The following GALR1 variants were observed in gnomAD, a reference collection of about 807,000 sequenced individuals.
The protein encoded by GALR1 is galanin receptor type 1.
Under a neutral mutation model 17.9 loss-of-function variants are expected in GALR1, and 11 were observed. That is an observed-to-expected ratio of 0.62 (90% CI 0.39 to 1.02). The LOEUF (loss-of-function observed/expected upper bound fraction) is 1.02. Among genes scored for constraint, GALR1 ranks in the 50% least tolerant of loss-of-function variants. GALR1 has a pLI of 0.01. For missense variants in GALR1, 441 were observed against 456.9 expected, an observed-to-expected ratio of 0.97 and a Z score of 0.32; for synonymous variants, 206 against 205.7, an observed-to-expected ratio of 1.00 and a Z score of -0.01.
intron 2 of GALR1, among the ~76,000 whole-genome samples, chr18:77,258,456 TGA>T (rs1912641174): frequency 1.3e-5 from 2 of 151,336 alleles, no homozygotes; most frequent in Admixed American, 6.6e-5. Context: ...GTGGTGGTGA[TGA>T]TGGTGGTGGT....
At chr18:77,261,809 C>A (rs1912835392) in intron 2 of GALR1, among the ~76,000 whole-genome samples, 1 of 152,064 alleles carries the variant, frequency 6.6e-6, no homozygotes, top group African/African-American at 2.4e-5. Context: ...GTTCTCCAAA[C>A]AGTTTCTTGA....
At chr18:77,254,821 T>C (rs1912549715) in intron 1 of GALR1, among the ~76,000 whole-genome samples, 3 of 152,244 alleles carry the variant, frequency 2.0e-5, no homozygotes, top group Admixed American at 2.0e-4. Context: ...CAAATGCTCC[T>C]GCGGCACGTA....
intron 2 of GALR1, among the ~76,000 whole-genome samples, chr18:77,264,516 A>G (rs1159211952): frequency 6.6e-6 from 1 of 152,128 alleles, no homozygotes; most frequent in East Asian, 1.9e-4. Context: ...TCACATCTGT[A>G]TGCTGTGATG....
rs112633832 is a variant in GALR1, at chr18:77,269,037, G to T, written c.*135G>T. ...TCAAGTCGTTTTAATTAAATCCCACGTGTGTTAAAAAGTACTTTGATCCAT... is the reference window on the plus strand; with the variant it reads ...TCAAGTCGTTTTAATTAAATCCCACTTGTGTTAAAAAGTACTTTGATCCAT... On this transcript the variant is annotated 3_prime_UTR_variant, in exon 3 of 3. Coordinates refer to ENST00000299727, the MANE Select transcript of GALR1 (RefSeq NM_001480.4). 3 of 687,882 alleles carry T rather than the reference G, an allele frequency of 4.4e-6. No homozygotes were observed. Among genetic ancestry groups the T allele is most frequent in the African/African-American group, 3.6e-5 (2 of 55,618 alleles). 42.6% of individuals were successfully genotyped at this position (687,882 alleles called of 1,614,324 possible).
intron 2 of GALR1, among the ~76,000 whole-genome samples, chr18:77,258,581 C>CATGGTGGTG (rs1324154958): frequency 1.7e-4 from 3 of 18,072 alleles, no homozygotes; most frequent in African/African-American, 6.2e-4. Flanking sequence ...TGGTGGTGGT[C>CATGGTGGTG]ATGGTGGTGA....
At position 77,270,063 on chromosome 18, in the gene GALR1, T is replaced by A. The variant is rs1913029871; in HGVS notation, c.*1161T>A. The stretch of plus-strand genomic sequence containing the variant: ...ATCACCATTTGAATTTCAAATGTAG[T>A]TTTCATGACAATTTTATATTGATGT... On this transcript the variant is annotated 3_prime_UTR_variant, in exon 3 of 3. Transcript: ENST00000299727. 6.6e-6 allele frequency: 1 copy of A among 152,222 alleles called. No individual in the cohort carries two copies. The highest frequency in any genetic ancestry group is 1.5e-5 in the Non-Finnish European group (1 of 68,038). The allele number at this position is 152,222 out of a possible 1,614,324, so 9.4% of individuals were successfully genotyped here. A position where few individuals can be genotyped will look rare whatever the true frequency, so the allele number is the denominator to read the frequency against.
intron 2 of GALR1, among the ~76,000 whole-genome samples, chr18:77,261,478 A>T (rs889719974): frequency 6.6e-6 from 1 of 152,210 alleles, no homozygotes; most frequent in Non-Finnish European, 1.5e-5. Context: ...CGCTGTATCC[A>T]CTGGTCTTAG....
rs1473803410 is a variant in GALR1, at chr18:77,272,721, A to C, written c.*3819A>C. On this transcript the variant is annotated 3_prime_UTR_variant, in exon 3 of 3. Coordinates refer to ENST00000299727, the MANE Select transcript of GALR1 (RefSeq NM_001480.4). ...TAAGGCTATTTCTCAAGTAGATGTT[A>C]ATGACTTGTTTAATTATTGACTTAC... 6.6e-6 allele frequency: 1 copy of C among 152,214 alleles called. No individual in the cohort carries two copies. Among genetic ancestry groups the C allele is most frequent in the African/African-American group, 2.4e-5 (1 of 41,456 alleles). The allele number at this position is 152,214 out of a possible 1,614,324, so 9.4% of individuals were successfully genotyped here.
chr18:77,260,568 C>A (rs1362090799), intron 2 of GALR1, among the ~76,000 whole-genome samples: 2 of 152,184 alleles, frequency 1.3e-5, no homozygotes, highest in Non-Finnish European at 2.9e-5. Context: ...GGGGTGGGGA[C>A]ATAAACTTTG....
At chr18:77,252,023 G>A (rs1298560404) in intron 1 of GALR1, among the ~76,000 whole-genome samples, 1 of 152,216 alleles carries the variant, frequency 6.6e-6, no homozygotes, top group Non-Finnish European at 1.5e-5. Flanking sequence ...CTCCTGAACA[G>A]GGTGAAGTGG....
chr18:77,254,360 G>T (rs1029744461), intron 1 of GALR1, among the ~76,000 whole-genome samples: 4 of 152,230 alleles, frequency 2.6e-5, no homozygotes, highest in African/African-American at 9.6e-5. Context: ...ATAGACTTGA[G>T]TATTTTCTCC....
chr18:77,266,343 A>G (rs1344498950), intron 2 of GALR1, among the ~76,000 whole-genome samples: 1 of 152,200 alleles, frequency 6.6e-6, no homozygotes, highest in Non-Finnish European at 1.5e-5. Flanking sequence ...GTTTCTAGGA[A>G]GTTCCAAAAT....
At chr18:77,260,079 A>G (rs1356417033) in intron 2 of GALR1, among the ~76,000 whole-genome samples, 1 of 152,124 alleles carries the variant, frequency 6.6e-6, no homozygotes, top group Admixed American at 6.5e-5. Context: ...TCAGCTCTGT[A>G]TCCACTGGTC....
At chr18:77,261,727 T>G (rs1169973432) in intron 2 of GALR1, among the ~76,000 whole-genome samples, 2 of 152,220 alleles carry the variant, frequency 1.3e-5, no homozygotes, top group African/African-American at 4.8e-5. Context: ...ACCAAGCATT[T>G]TTTATTGCCT....
intron 2 of GALR1, among the ~76,000 whole-genome samples, chr18:77,258,839 GTGA>G (rs1912698190): frequency 1.1e-3 from 4 of 3,738 alleles, no homozygotes; most frequent in Non-Finnish European, 1.5e-3. Flanking sequence ...GGTGATGGTG[GTGA>G]TGGTGGTGGT....
At chr18:77,261,453 A>G (rs73486224) in intron 2 of GALR1, among the ~76,000 whole-genome samples, 2,588 of 152,256 alleles carry the variant, frequency 0.017, 77 homozygotes, top group African/African-American at 0.058. Flanking sequence ...GGAGTTCTCT[A>G]TGTTACTTTC....
At chr18:77,252,989 TCACCACCACCACCACCAC>T in intron 1 of GALR1, among the ~76,000 whole-genome samples, 2 of 25,032 alleles carry the variant, frequency 8.0e-5, no homozygotes, top group Admixed American at 4.6e-4. Flanking sequence ...ATCACCACCA[TCACCACCACCACCACCAC>T]CACCACCACC....
chr18:77,250,834 T>C lies in GALR1; in HGVS notation c.286T>C (p.Tyr96His). 6.2e-7 allele frequency: 1 copy of C among 1,613,632 alleles called. No individual in the cohort carries two copies. Among genetic ancestry groups the C allele is most frequent in the Non-Finnish European group, 8.5e-7 (1 of 1,180,004 alleles). Residue 96 changes from tyrosine to histidine, a missense_variant, in exon 1 of 3, where the codon TAC becomes CAC. Coordinates refer to ENST00000299727, the MANE Select transcript of GALR1 (RefSeq NM_001480.4). ...LFCIPFQATV[Y>H]ALPTWVLGAF... Reference sequence around the variant, plus strand: ...CTGCATCCCCTTCCAGGCCACCGTGTACGCGCTGCCCACCTGGGTGCTGGG... The same window carrying C: ...CTGCATCCCCTTCCAGGCCACCGTGCACGCGCTGCCCACCTGGGTGCTGGG...
Position 77,273,576 on chromosome 18 carries a change from A to C in GALR1, c.*4674A>C, listed in dbSNP as rs1913102213. Reference sequence around the variant, plus strand: ...CTTGAACCCGGGAGGTGGAGGTTGCAATGAGCCTAGATTGCACCATTGCAC... The same window carrying C: ...CTTGAACCCGGGAGGTGGAGGTTGCCATGAGCCTAGATTGCACCATTGCAC... On this transcript the variant is annotated 3_prime_UTR_variant, in exon 3 of 3. Coordinates refer to ENST00000299727, the MANE Select transcript of GALR1 (RefSeq NM_001480.4). The C allele has an allele frequency of 1.3e-5, 2 of 152,114 alleles. No homozygotes were observed. The allele number at this position is 152,114 out of a possible 1,614,324, so 9.4% of individuals were successfully genotyped here.
Sources: gnomAD v4.1 joint callset for allele counts (sites outside exome capture counted in the v4.1 genomes callset) on GRCh38, gnomAD v4.1.1 for gene constraint, MANE v1.5 for transcripts, NCBI Gene and HGNC (gene_info 2026-07-23, HGNC 2026-07-21) for gene names.